Variants in GABRA5 observed in about 807,000 individuals in gnomAD.
GABRA5 encodes the protein gamma-aminobutyric acid type A receptor subunit alpha5.
A neutral mutation model predicts 47.3 loss-of-function variants in GABRA5; 18 were observed. The observed-to-expected ratio is 0.38, with a 90% confidence interval of 0.26 to 0.56. The LOEUF (loss-of-function observed/expected upper bound fraction) is 0.56, where lower values mean the gene tolerates loss of function less well. GABRA5 is among the 20% of genes least tolerant of loss of function. The pLI, the probability that GABRA5 is intolerant of heterozygous loss-of-function variation, is 0.71. For synonymous variants in GABRA5, 237 were observed against 229.3 expected, an observed-to-expected ratio of 1.03 and a Z score of -0.30; for missense variants, 365 against 599.3, an observed-to-expected ratio of 0.61 and a Z score of 4.08.
At chr15:26,934,720 A>G (rs980102541) in intron 7 of GABRA5, among the ~76,000 whole-genome samples, 2 of 152,126 alleles carry the variant, frequency 1.3e-5, no homozygotes, top group African/African-American at 4.8e-5. Flanking sequence ...GCTCAAGTCC[A>G]CCCTGGTAGT....
At chr15:26,911,372 C>CACACACAG (rs1893583590) in intron 6 of GABRA5, among the ~76,000 whole-genome samples, 1 of 25,070 alleles carries the variant, frequency 4.0e-5, no homozygotes, top group Non-Finnish European at 7.7e-5. Context: ...TTGCTGCATG[C>CACACACAG]ACACACACAC....
At chr15:26,876,847 G>A (rs1287603233) in intron 3 of GABRA5, among the ~76,000 whole-genome samples, 2 of 152,186 alleles carry the variant, frequency 1.3e-5, no homozygotes, top group Non-Finnish European at 1.5e-5. Context: ...GTAAGGACTG[G>A]GATGGAACAT....
chr15:26,905,743 T>C (rs1231352090), intron 6 of GABRA5, among the ~76,000 whole-genome samples: 2 of 152,044 alleles, frequency 1.3e-5, no homozygotes, highest in Non-Finnish European at 2.9e-5. Context: ...ATCTTAATCT[T>C]TCTTCTACCT....
At position 26,930,912 on chromosome 15, in the gene GABRA5, T is replaced by C. The variant is rs1595430621; in HGVS notation, c.581-6273T>C. Reference sequence around the variant, plus strand: ...TTTCTTTTCTTTTTTTTTTTTTTTTTTGAGACAGAGTCTCACTCTGTTGCC... The same window carrying C: ...TTTCTTTTCTTTTTTTTTTTTTTTTCTGAGACAGAGTCTCACTCTGTTGCC... On this transcript the variant is annotated intron_variant, in intron 7 of 10. Coordinates refer to ENST00000335625, the MANE Select transcript of GABRA5 (RefSeq NM_000810.4). 1.1e-4 allele frequency among the ~76,000 whole-genome samples: 16 copies of C among 147,406 alleles called. No individual in the cohort carries two copies. The South Asian group carries it at 3.4e-3, about 32-fold the overall frequency.
At chr15:26,889,549 T>C (rs1595401954) in intron 6 of GABRA5, among the ~76,000 whole-genome samples, 1 of 152,200 alleles carries the variant, frequency 6.6e-6, no homozygotes, top group African/African-American at 2.4e-5. Context: ...CAATATCAAA[T>C]AGCATTAATA....
intron 6 of GABRA5, among the ~76,000 whole-genome samples, chr15:26,895,542 G>T (rs1893162515): frequency 6.6e-6 from 1 of 152,058 alleles, no homozygotes; most frequent in South Asian, 2.1e-4. Context: ...GCTGGGCGCG[G>T]TGGTTCACGC....
intron 7 of GABRA5, among the ~76,000 whole-genome samples, chr15:26,920,672 T>C (rs1786262436): frequency 6.6e-6 from 1 of 152,150 alleles, no homozygotes; most frequent in African/African-American, 2.4e-5. Context: ...GGTGTGCACA[T>C]TAAATAAAAC....
In GABRA5 at chr15:26,930,006, C is replaced by CTTTTTTTTTTTTTTTTTT. The variant is rs72082419; in HGVS notation, c.581-7163_581-7162insTTTTTTTTTTTTTTTTTT. On this transcript the variant is annotated intron_variant, in intron 7 of 10. Transcript: ENST00000335625. ...CTTTCTTCTTCTTCTTCTTCTTCTT[C>CTTTTTTTTTTTTTTTTTT]TTTTTTTTTTTTTTTTGTTTTTTGT... 1.5e-4 allele frequency among the ~76,000 whole-genome samples: 17 copies of CTTTTTTTTTTTTTTTTTT among 113,372 alleles called. No individual in the cohort carries two copies. In the East Asian group the frequency reaches 3.9e-3, roughly 26 times the overall value. The allele number at this position is 113,372 out of a possible 152,430, so 74.4% of individuals were successfully genotyped here.
chr15:26,933,200 G>T (rs935472636), intron 7 of GABRA5, among the ~76,000 whole-genome samples: 1 of 152,170 alleles, frequency 6.6e-6, no homozygotes, highest in Non-Finnish European at 1.5e-5. Flanking sequence ...CAAAAGCTGG[G>T]AATTCCCATG....
At chr15:26,880,618 G>T (rs1270738995) in intron 3 of GABRA5, 11 of 404,124 alleles carry the variant, frequency 2.7e-5, no homozygotes, top group Non-Finnish European at 4.4e-5. Flanking sequence ...TAGACTTTGA[G>T]CCTCAGGTTA....
chr15:26,945,088 G>C (rs1409601745), intron 10 of GABRA5, among the ~76,000 whole-genome samples: 1 of 152,232 alleles, frequency 6.6e-6, no homozygotes, highest in Middle Eastern at 3.2e-3. Flanking sequence ...CTAATCCGAG[G>C]AGAGAAAGGG....
intron 6 of GABRA5, among the ~76,000 whole-genome samples, chr15:26,907,065 A>G (rs1235389259): frequency 6.6e-6 from 1 of 152,244 alleles, no homozygotes; most frequent in Non-Finnish European, 1.5e-5. Flanking sequence ...TATAATTCTG[A>G]TGGTTGGTCT....
At chr15:26,889,422 A>G (rs1314915993) in intron 6 of GABRA5, among the ~76,000 whole-genome samples, 3 of 151,526 alleles carry the variant, frequency 2.0e-5, no homozygotes, top group South Asian at 2.1e-4. Context: ...TTTCTAATGC[A>G]GTATAGCTAG....
At chr15:26,921,833 A>G (rs929407240) in intron 7 of GABRA5, among the ~76,000 whole-genome samples, 2 of 152,042 alleles carry the variant, frequency 1.3e-5, no homozygotes, top group Non-Finnish European at 2.9e-5. Context: ...ATTTCCCTTA[A>G]GACTTTCCCT....
At chr15:26,920,045 T>C (rs561946691) in intron 7 of GABRA5, among the ~76,000 whole-genome samples, 5 of 152,286 alleles carry the variant, frequency 3.3e-5, no homozygotes, top group African/African-American at 1.2e-4. Flanking sequence ...CTTTGACTTT[T>C]GACAATTTAT....
chr15:26,907,272 T>C (rs539102322), intron 6 of GABRA5, among the ~76,000 whole-genome samples: 23 of 152,362 alleles, frequency 1.5e-4, no homozygotes, highest in African/African-American at 5.5e-4. Flanking sequence ...CGTGGATCAT[T>C]TTAGTGTATT....
In GABRA5 at chr15:26,901,767, G is replaced by T. The variant is rs148428952; in HGVS notation, c.498-13036G>T. Among the ~76,000 whole-genome samples, 105 of 152,184 alleles carry T rather than the reference G, an allele frequency of 6.9e-4. 1 individual carries two copies. In the East Asian group the frequency reaches 0.017, roughly 25 times the overall value. ...CATTTAGATTTTCTCTTATGTTATA[G>T]GAGTTTTATAGTTTTGCATTTACCA... On this transcript the variant is annotated intron_variant, in intron 6 of 10. Transcript: ENST00000335625.
intron 6 of GABRA5, among the ~76,000 whole-genome samples, chr15:26,897,781 C>A (rs957557445): frequency 7.2e-5 from 11 of 152,150 alleles, no homozygotes; most frequent in Non-Finnish European, 1.5e-4. Flanking sequence ...TTCTTTGCTG[C>A]ACTAACTTAA....
chr15:26,922,131 C>T (rs942795033), intron 7 of GABRA5, among the ~76,000 whole-genome samples: 1 of 152,154 alleles, frequency 6.6e-6, no homozygotes, highest in East Asian at 1.9e-4. Flanking sequence ...GACTTCACCT[C>T]TATCCTTGAT....
Sources: allele counts gnomAD v4.1 joint callset (sites outside exome capture counted in the v4.1 genomes callset), GRCh38; gene constraint gnomAD v4.1.1; transcripts MANE v1.5; gene names NCBI Gene and HGNC (gene_info 2026-07-23, HGNC 2026-07-21).